The following MYO9B variants were observed in gnomAD, a reference collection of about 807,000 sequenced individuals.
MYO9B encodes the protein unconventional myosin-IXb.
A neutral mutation model predicts 229.5 loss-of-function variants in MYO9B; 71 were observed. The ratio of observed to expected loss-of-function variants is 0.31; its 90% CI spans 0.26 to 0.38. The LOEUF (loss-of-function observed/expected upper bound fraction) is 0.38. Among genes scored for constraint, MYO9B ranks in the 10% least tolerant of loss-of-function variants. MYO9B has a pLI of 1.00. For synonymous variants in MYO9B, 1,185 were observed against 1,235.8 expected, an observed-to-expected ratio of 0.96 and a Z score of 0.86; for missense variants, 2,255 against 2,920.5, an observed-to-expected ratio of 0.77 and a Z score of 5.25.
At chr19:17,107,462 C>T (rs1458188394) in intron 2 of MYO9B, among the ~76,000 whole-genome samples, 1 of 152,176 alleles carries the variant, frequency 6.6e-6, no homozygotes, top group Non-Finnish European at 1.5e-5. Flanking sequence ...GCTGCCTCCA[C>T]AGCGCCATCT....
chr19:17,154,530 C>T, intron 6 of MYO9B, 115 bp downstream of exon 6: 3 of 721,462 alleles, frequency 4.2e-6, no homozygotes, highest in Non-Finnish European at 6.8e-6. Context: ...CAGGCAGTGT[C>T]CTGAACAGTG....
chr19:17,159,288 G>T, intron 7 of MYO9B, 107 bp from the exon 8 acceptor site: 1 of 999,618 alleles, frequency 1.0e-6, no homozygotes, highest in Non-Finnish European at 1.5e-6. Context: ...CTGGGGGTCC[G>T]TCTCCCAGCT....
chr19:17,202,444 A>C (rs1257089336), intron 28 of MYO9B, 141 bp downstream of exon 28: 7 of 868,128 alleles, frequency 8.1e-6, no homozygotes, highest in Non-Finnish European at 1.0e-5. Flanking sequence ...CCACTGTGCC[A>C]TGACTTGATC....
At chr19:17,117,444 C>A (rs1427257773) in intron 2 of MYO9B, among the ~76,000 whole-genome samples, 1 of 152,204 alleles carries the variant, frequency 6.6e-6, no homozygotes, top group Non-Finnish European at 1.5e-5. Flanking sequence ...AGCTTGGCAT[C>A]TTCTGCCCAG....
intron 15 of MYO9B, among the ~76,000 whole-genome samples, chr19:17,181,856 A>G (rs920928757): frequency 6.6e-6 from 1 of 151,238 alleles, no homozygotes; most frequent in Non-Finnish European, 1.5e-5. Context: ...GCTCACTGCA[A>G]CCTCTGCCTC....
chr19:17,132,782 C>T (rs2072217833), intron 2 of MYO9B, among the ~76,000 whole-genome samples: 1 of 151,520 alleles, frequency 6.6e-6, no homozygotes, highest in East Asian at 1.9e-4. Flanking sequence ...CCCACCTTGG[C>T]TTCCGAAGTG....
In MYO9B at chr19:17,192,881, G is replaced by T; in HGVS notation, c.2947G>T (p.Ala983Ser). 1 of 1,550,374 alleles carries T rather than the reference G, an allele frequency of 6.5e-7. No individual in the cohort carries two copies. Among genetic ancestry groups the T allele is most frequent in the Non-Finnish European group, 8.7e-7 (1 of 1,147,114 alleles). The change falls in exon 21 of 40, where the codon GCC becomes TCC. Residue 983 changes from alanine to serine, a missense_variant. Ala to Ser is a moderately conservative substitution (Grantham distance 99). This residue lies in a region of MYO9B where 679 missense variants were observed against 770.2 expected (regional missense o/e 0.88). Transcript: ENST00000682292. ...GCACTTCCTGCAGATGAAGCGGGCC[G>T]CCGTCACCATCCAGGCCTGCTGGCG... ...RRHFLQMKRA[A>S]VTIQACWRSY...
At position 17,200,808 on chromosome 19, in the gene MYO9B, G is replaced by A; in HGVS notation, c.4542G>A (p.Leu1514=). ...QITNANELKY[L]DEFLLNKIND... ...CCAACGCCAATGAGCTCAAGTACCT[G>A]GACGAGTTCCTGCTCAACAAGGTGG... The change falls in exon 26 of 40, where the codon CTG becomes CTA. Residue 1514 remains leucine (L), a synonymous_variant. Coordinates refer to ENST00000682292, the MANE Select transcript of MYO9B (RefSeq NM_004145.4). The A allele has an allele frequency of 6.2e-7, 1 of 1,613,984 alleles. No individual in the cohort carries two copies.
At chr19:17,132,512 AT>A (rs1476647487) in intron 2 of MYO9B, among the ~76,000 whole-genome samples, 22 of 115,688 alleles carry the variant, frequency 1.9e-4, no homozygotes, top group African/African-American at 4.1e-4. Context: ...TTATTTATTT[AT>A]TTATTATTAT....
intron 8 of MYO9B, among the ~76,000 whole-genome samples, chr19:17,161,936 C>G (rs1568279889): frequency 6.8e-6 from 1 of 146,036 alleles, no homozygotes. Context: ...TGCAGTGAGC[C>G]AAGATTGCGC....
intron 2 of MYO9B, among the ~76,000 whole-genome samples, chr19:17,111,181 A>G (rs2057844622): frequency 6.6e-6 from 1 of 152,112 alleles, no homozygotes; most frequent in Non-Finnish European, 1.5e-5. Flanking sequence ...GTCATCTCAT[A>G]CGTCCTCACC....
At chr19:17,110,207 C>T (rs867839063) in intron 2 of MYO9B, among the ~76,000 whole-genome samples, 1 of 152,176 alleles carries the variant, frequency 6.6e-6, no homozygotes, top group Admixed American at 6.5e-5. Context: ...GTTGCAGCCT[C>T]GCTGTGTAAT....
At chr19:17,206,559 C>A in intron 33 of MYO9B, 120 bp from the exon 34 acceptor site, 2 of 1,294,640 alleles carry the variant, frequency 1.5e-6, no homozygotes, top group South Asian at 1.4e-5. Flanking sequence ...TGTAGCCATC[C>A]ATTCTTGCCT....
chr19:17,180,363 TTTTG>T (rs2072844424), intron 14 of MYO9B, among the ~76,000 whole-genome samples: 1 of 135,112 alleles, frequency 7.4e-6, no homozygotes. Context: ...TTTTTTTTTT[TTTTG>T]AGACAGAGTC....
chr19:17,123,615 A>G (rs2057986820), intron 2 of MYO9B, among the ~76,000 whole-genome samples: 1 of 152,078 alleles, frequency 6.6e-6, no homozygotes, highest in Non-Finnish European at 1.5e-5. Context: ...TAATTTTTGT[A>G]TTTTTAGTAG....
chr19:17,116,509 G>A (rs1423516881), intron 2 of MYO9B, among the ~76,000 whole-genome samples: 1 of 152,152 alleles, frequency 6.6e-6, no homozygotes, highest in Non-Finnish European at 1.5e-5. Flanking sequence ...ATGAGGACAG[G>A]CATCCCGGAG....
intron 2 of MYO9B, among the ~76,000 whole-genome samples, chr19:17,143,095 C>T (rs1446628194): frequency 6.6e-6 from 1 of 152,032 alleles, no homozygotes; most frequent in Non-Finnish European, 1.5e-5. Context: ...AAAAGTTAGC[C>T]AGGCGTGGTG....
intron 18 of MYO9B, among the ~76,000 whole-genome samples, chr19:17,186,392 A>C (rs778406735): frequency 6.6e-6 from 1 of 152,082 alleles, no homozygotes; most frequent in Non-Finnish European, 1.5e-5. Flanking sequence ...CCCCCGTGGG[A>C]CCACCAGCAG....
At chr19:17,135,420 T>A (rs2072257056) in intron 2 of MYO9B, among the ~76,000 whole-genome samples, 1 of 151,680 alleles carries the variant, frequency 6.6e-6, no homozygotes, top group African/African-American at 2.4e-5. Flanking sequence ...GGGGTCCCAC[T>A]TCCTCCCTTC....
Sources: allele counts gnomAD v4.1 joint callset (sites outside exome capture counted in the v4.1 genomes callset), GRCh38; gene constraint gnomAD v4.1.1; regional missense constraint gnomAD v4.1.1; transcripts MANE v1.5; gene names NCBI Gene and HGNC (gene_info 2026-07-23, HGNC 2026-07-21).